OR11A1: variants seen among roughly 807,000 people sequenced by gnomAD.
OR11A1 encodes olfactory receptor family 11 subfamily A member 1, also known as olfactory receptor 11A1.
For synonymous variants in OR11A1, 158 were observed against 152.2 expected (o/e 1.04, Z -0.28); for missense variants, 380 against 378.2 (o/e 1.00, Z -0.04).
chr6:29,430,546 G>A (rs917189354), intron 2 of OR11A1, 121 bp from the exon 3 acceptor site: 4 of 594,104 alleles, frequency 6.7e-6, no homozygotes, highest in Non-Finnish European at 8.5e-6. Context: ...ATTATTTTAA[G>A]TGAAATATCT....
intron 1 of OR11A1, among the ~76,000 whole-genome samples, chr6:29,452,164 C>A (rs976968266): frequency 6.6e-6 from 1 of 151,940 alleles, no homozygotes; most frequent in African/African-American, 2.4e-5. Context: ...CAATAGACAC[C>A]AGGGCCTACT....
Position 29,426,639 on chromosome 6 carries a change from AAG to A in OR11A1, c.*53_*54del, listed in dbSNP as rs1782824676. ...GTTACTCCTCTCCAACCCATCCTGG[AAG>A]AGTCCCCAGTGGAGGTGTCCGAAGT... On this transcript the variant is annotated 3_prime_UTR_variant, in exon 5 of 5. Coordinates refer to ENST00000377149, the MANE Select transcript of OR11A1 (RefSeq NM_001394828.1). The A allele has an allele frequency of 7.2e-7, 1 of 1,386,644 alleles. No individual in the cohort carries two copies. The highest frequency in any genetic ancestry group is 2.0e-5 in the Admixed American group (1 of 50,394). 85.9% of individuals were successfully genotyped at this position (1,386,644 alleles called of 1,614,324 possible).
intron 1 of OR11A1, among the ~76,000 whole-genome samples, chr6:29,447,362 C>T (rs150114061): frequency 5.4e-4 from 83 of 152,328 alleles, no homozygotes; most frequent in Middle Eastern, 3.4e-3. Context: ...GATACCTATA[C>T]ACATTGGGCT....
intron 4 of OR11A1, among the ~76,000 whole-genome samples, chr6:29,428,656 C>T (rs909986130): frequency 1.3e-5 from 2 of 149,196 alleles, no homozygotes; most frequent in Non-Finnish European, 3.0e-5. Flanking sequence ...ACTCGGGATG[C>T]CGAGGCAGAA....
intron 1 of OR11A1, among the ~76,000 whole-genome samples, chr6:29,435,847 A>G (rs1339153116): frequency 6.6e-6 from 1 of 152,218 alleles, no homozygotes; most frequent in Non-Finnish European, 1.5e-5. Flanking sequence ...TCCCAAGAAT[A>G]TTTTAGCTGT....
intron 1 of OR11A1, among the ~76,000 whole-genome samples, chr6:29,434,631 G>C (rs796091567): frequency 8.5e-5 from 13 of 152,320 alleles, no homozygotes; most frequent in African/African-American, 2.9e-4. Context: ...TCAAGTTTAA[G>C]ATGGGAAAGT....
intron 1 of OR11A1, chr6:29,440,217 T>A (rs745672077): frequency 1.9e-6 from 3 of 1,613,952 alleles, no homozygotes; most frequent in Non-Finnish European, 2.5e-6. Flanking sequence ...CCTCTCGGCC[T>A]TGGAGATTGG....
In OR11A1 at chr6:29,426,141, G is replaced by C. The variant is rs1169102140; in HGVS notation, c.*553C>G. 6.6e-6 allele frequency: 1 copy of C among 152,352 alleles called. No homozygotes were observed. The highest frequency in any genetic ancestry group is 1.5e-5 in the Non-Finnish European group (1 of 67,980). 9.4% of individuals were successfully genotyped at this position (152,352 alleles called of 1,614,324 possible). On this transcript the variant is annotated 3_prime_UTR_variant, in exon 5 of 5. Coordinates refer to ENST00000377149, the MANE Select transcript of OR11A1 (RefSeq NM_001394828.1). ...AATAATATAAAAAACAATATTTCTA[G>C]GTTTATTTTGGTATTGCTGTATTAT...
At chr6:29,439,747 A>G (rs1024620781) in intron 1 of OR11A1, 6 of 512,066 alleles carry the variant, frequency 1.2e-5, no homozygotes, top group African/African-American at 1.1e-4. Flanking sequence ...TGTTCTTTAG[A>G]ATGATAGGCA....
intron 1 of OR11A1, chr6:29,440,253 C>T (rs1784017117): frequency 6.2e-6 from 10 of 1,614,018 alleles, no homozygotes; most frequent in Non-Finnish European, 8.5e-6. Flanking sequence ...GGTCCCCCTG[C>T]TACTTCACCA....
chr6:29,443,972 TAA>T (rs148674915), intron 1 of OR11A1, among the ~76,000 whole-genome samples: 2 of 129,760 alleles, frequency 1.5e-5, no homozygotes, highest in African/African-American at 3.1e-5. Flanking sequence ...AATCAGTAAT[TAA>T]AAAAAAAAAA....
intron 1 of OR11A1, among the ~76,000 whole-genome samples, chr6:29,448,350 G>A (rs1254390185): frequency 6.6e-6 from 1 of 152,136 alleles, no homozygotes; most frequent in African/African-American, 2.4e-5. Flanking sequence ...GATGGCACAT[G>A]GAGACCAAGT....
At chr6:29,452,214 T>C (rs1411809296) in intron 1 of OR11A1, among the ~76,000 whole-genome samples, 1 of 152,140 alleles carries the variant, frequency 6.6e-6, no homozygotes, top group East Asian at 1.9e-4. Flanking sequence ...GTCAAAAAAC[T>C]ACCTATTGGT....
At chr6:29,454,245 A>G (rs1253165135) in intron 1 of OR11A1, among the ~76,000 whole-genome samples, 1 of 152,170 alleles carries the variant, frequency 6.6e-6, no homozygotes, top group East Asian at 1.9e-4. Flanking sequence ...TAATATAAAT[A>G]GTTAAATTAA....
chr6:29,432,610 A>C (rs1168817684), intron 1 of OR11A1, among the ~76,000 whole-genome samples: 2 of 152,182 alleles, frequency 1.3e-5, no homozygotes, highest in African/African-American at 4.8e-5. Flanking sequence ...TTTAAGGAGA[A>C]GGAAGGTGGC....
intron 1 of OR11A1, among the ~76,000 whole-genome samples, chr6:29,448,266 C>T (rs747109464): frequency 8.6e-5 from 13 of 152,018 alleles, no homozygotes; most frequent in Non-Finnish European, 1.6e-4. Context: ...CTGCCCACCT[C>T]GGCCTCCCAA....
At chr6:29,449,364 G>T (rs964835292) in intron 1 of OR11A1, among the ~76,000 whole-genome samples, 11 of 152,144 alleles carry the variant, frequency 7.2e-5, no homozygotes, top group African/African-American at 2.2e-4. Flanking sequence ...GAAAGAAGAA[G>T]AAAACTTCAA....
At chr6:29,452,859 A>G (rs553065049) in intron 1 of OR11A1, among the ~76,000 whole-genome samples, 1 of 152,260 alleles carries the variant, frequency 6.6e-6, no homozygotes, top group South Asian at 2.1e-4. Context: ...TGGAAACATA[A>G]AAGTGTATAT....
At chr6:29,438,851 C>T (rs893166848) in intron 1 of OR11A1, among the ~76,000 whole-genome samples, 15 of 152,150 alleles carry the variant, frequency 9.9e-5, no homozygotes, top group Admixed American at 9.8e-4. Flanking sequence ...GTCACAAATG[C>T]CATCTGCCTT....
Sources: allele counts gnomAD v4.1 joint callset (sites outside exome capture counted in the v4.1 genomes callset), GRCh38; gene constraint gnomAD v4.1.1; transcripts MANE v1.5; gene names NCBI Gene and HGNC (gene_info 2026-07-23, HGNC 2026-07-21).